MYLK: variants seen among roughly 807,000 people sequenced by gnomAD.
The protein encoded by MYLK is myosin light chain kinase, also known as myosin light chain kinase, smooth muscle.
In MYLK, 106 loss-of-function variants were observed where a neutral mutation model predicts 203.4. That is an observed-to-expected ratio of 0.52 (90% CI 0.45 to 0.61). The LOEUF is 0.61. MYLK is among the 20% of genes least tolerant of loss of function. The pLI is 0.00. For synonymous variants in MYLK, 867 were observed against 959.5 expected (o/e 0.90, Z 1.78); for missense variants, 2,072 against 2,442.3 (o/e 0.85, Z 3.20).
intron 1 of MYLK, among the ~76,000 whole-genome samples, chr3:123,879,660 G>C (rs1049383219): frequency 6.6e-6 from 1 of 152,016 alleles, no homozygotes; most frequent in Admixed American, 6.6e-5. Context: ...CTTGAGACGG[G>C]GTCTCACACT....
intron 4 of MYLK, among the ~76,000 whole-genome samples, chr3:123,788,714 C>T (rs1428793284): frequency 6.6e-6 from 1 of 152,140 alleles, no homozygotes; most frequent in Non-Finnish European, 1.5e-5. Context: ...AGGAATTATT[C>T]ATGCTTCCAT....
intron 3 of MYLK, among the ~76,000 whole-genome samples, chr3:123,830,149 C>T (rs1297492115): frequency 2.0e-5 from 3 of 152,192 alleles, no homozygotes; most frequent in African/African-American, 7.2e-5. Context: ...AAGGGACTTG[C>T]ATTATTTTGT....
intron 4 of MYLK, among the ~76,000 whole-genome samples, chr3:123,793,421 A>T (rs1459970669): frequency 6.6e-6 from 1 of 152,212 alleles, no homozygotes; most frequent in Non-Finnish European, 1.5e-5. Context: ...TACCCAGAAC[A>T]CAACCTACAT....
chr3:123,660,854 GA>G (rs1176416107), intron 23 of MYLK, among the ~76,000 whole-genome samples: 3 of 152,222 alleles, frequency 2.0e-5, no homozygotes, highest in African/African-American at 7.2e-5. Flanking sequence ...AGGGAATACA[GA>G]GATGTCCCTG....
At chr3:123,860,335 A>G (rs1017655758) in intron 2 of MYLK, among the ~76,000 whole-genome samples, 3 of 152,182 alleles carry the variant, frequency 2.0e-5, no homozygotes, top group Admixed American at 6.5e-5. Flanking sequence ...ACTGGGGTGG[A>G]CAGCTGGCTG....
intron 24 of MYLK, among the ~76,000 whole-genome samples, chr3:123,653,986 TTG>T (rs752791805): frequency 0.076 from 10,474 of 137,582 alleles, 725 homozygotes; most frequent in East Asian, 0.19. Flanking sequence ...CAGAGGGATG[TTG>T]TGTGTGTGTG....
intron 4 of MYLK, among the ~76,000 whole-genome samples, chr3:123,780,153 G>A (rs1490773463): frequency 6.6e-6 from 1 of 152,170 alleles, no homozygotes; most frequent in Admixed American, 6.5e-5. Context: ...TATTTTTATG[G>A]TTGGGCGCGG....
At chr3:123,840,861 G>A (rs2066575077) in intron 2 of MYLK, among the ~76,000 whole-genome samples, 2 of 151,966 alleles carry the variant, frequency 1.3e-5, no homozygotes, top group Admixed American at 6.6e-5. Flanking sequence ...TTTCATTCAT[G>A]GTTCTGGGCA....
intron 4 of MYLK, among the ~76,000 whole-genome samples, chr3:123,792,453 C>T (rs7639677): frequency 6.6e-6 from 1 of 152,130 alleles, no homozygotes; most frequent in South Asian, 2.1e-4. Context: ...CATCTCTCTT[C>T]CCCCCAGCCC....
chr3:123,703,272 GAAGC>G (rs1475127455), intron 16 of MYLK, among the ~76,000 whole-genome samples: 1 of 152,202 alleles, frequency 6.6e-6, no homozygotes, highest in Admixed American at 6.5e-5. Context: ...GCACCCATTT[GAAGC>G]AAGGAGAAGC....
Position 123,739,046 on chromosome 3 carries a change from G to T in MYLK, c.439C>A (p.Pro147Thr), listed in dbSNP as rs9840993. 6.2e-7 allele frequency: 1 copy of T among 1,613,576 alleles called. No homozygotes were observed. Among genetic ancestry groups the T allele is most frequent in the African/African-American group, 1.3e-5 (1 of 74,796 alleles). Residue 147 changes from proline to threonine, a missense_variant, in exon 7 of 34, where the codon CCA becomes ACA. Pro to Thr is a conservative substitution (Grantham distance 38). This residue lies in a region of MYLK where 683 missense variants were observed against 643.8 expected (regional missense o/e 1.06). Transcript: ENST00000360304. ...SKTLGDRFSA[P>T]AVETRPSIWG... ...ATGCTAGGACGGGTCTCCACTGCTG[G>T]AGCTGAAAATCTATCCCTGTAAGGA...
At chr3:123,664,513 C>T (rs41378152) in intron 22 of MYLK, among the ~76,000 whole-genome samples, 3,142 of 152,022 alleles carry the variant, frequency 0.021, 120 homozygotes, top group African/African-American at 0.072. Context: ...GATGAACTAG[C>T]TGAGCACTCA....
At chr3:123,672,401 A>G (rs1453175337) in intron 20 of MYLK, among the ~76,000 whole-genome samples, 1 of 151,982 alleles carries the variant, frequency 6.6e-6, no homozygotes, top group Non-Finnish European at 1.5e-5. Context: ...GTGAGAATCA[A>G]TTTCTGTGGT....
At chr3:123,842,249 A>G (rs986161367) in intron 2 of MYLK, among the ~76,000 whole-genome samples, 1 of 152,048 alleles carries the variant, frequency 6.6e-6, no homozygotes, top group African/African-American at 2.4e-5. Flanking sequence ...AATTAATATC[A>G]GACAAAAGAC....
intron 2 of MYLK, among the ~76,000 whole-genome samples, chr3:123,837,006 T>G (rs2066488590): frequency 6.6e-6 from 1 of 152,224 alleles, no homozygotes; most frequent in Non-Finnish European, 1.5e-5. Flanking sequence ...AAATAATAAT[T>G]CCTATCCTTC....
At position 123,686,308 on chromosome 3, in the gene MYLK, TTATA is replaced by T. The variant is rs369306796; in HGVS notation, c.3566-4002_3566-3999del. On this transcript the variant is annotated intron_variant, in intron 19 of 33. Coordinates refer to ENST00000360304, the MANE Select transcript of MYLK (RefSeq NM_053025.4). The stretch of plus-strand genomic sequence containing the variant: ...TCTACATTGAGAGGAAAATGTGTCC[TTATA>T]TAGACAATGCCTCACCCCTCCCACT... 5.7e-4 allele frequency among the ~76,000 whole-genome samples: 87 copies of T among 151,656 alleles called. No homozygotes were observed. The East Asian group carries it at 0.013, about 23-fold the overall frequency.
At chr3:123,828,586 G>T (rs2700348) in intron 3 of MYLK, among the ~76,000 whole-genome samples, 8 of 151,964 alleles carry the variant, frequency 5.3e-5, no homozygotes, top group Admixed American at 5.2e-4. Flanking sequence ...ACAGGGAACA[G>T]AAGCAAAAAT....
intron 4 of MYLK, among the ~76,000 whole-genome samples, chr3:123,765,397 G>C (rs896879321): frequency 1.3e-5 from 2 of 152,060 alleles, no homozygotes; most frequent in African/African-American, 2.4e-5. Context: ...CGGGGGTGGT[G>C]GCGCATGCCT....
At chr3:123,628,434 C>T (rs1415458954) in intron 30 of MYLK, among the ~76,000 whole-genome samples, 1 of 152,180 alleles carries the variant, frequency 6.6e-6, no homozygotes, top group East Asian at 1.9e-4. Context: ...TTCTCTCTAG[C>T]ACGCCACCCA....
Sources: allele counts gnomAD v4.1 joint callset (sites outside exome capture counted in the v4.1 genomes callset), GRCh38; gene constraint gnomAD v4.1.1; regional missense constraint gnomAD v4.1.1; transcripts MANE v1.5; gene names NCBI Gene and HGNC (gene_info 2026-07-23, HGNC 2026-07-21).